Variants in GAB2 observed in about 807,000 individuals in gnomAD.
GAB2 encodes GRB2-associated-binding protein 2.
Under a neutral mutation model 65.5 loss-of-function variants are expected in GAB2, and 26 were observed. The observed-to-expected ratio is 0.40, with a 90% CI of 0.29 to 0.55. GAB2 has a LOEUF of 0.55. Among genes scored for constraint, GAB2 ranks in the 20% least tolerant of loss-of-function variants. The pLI, the probability that GAB2 is intolerant of heterozygous loss-of-function variation, is 0.53. For synonymous variants in GAB2, 321 were observed against 329.6 expected (o/e 0.97, Z 0.28); for missense variants, 884 against 875.8 (o/e 1.01, Z -0.12).
chr11:78,343,462 G>A (rs994921230), intron 1 of GAB2, among the ~76,000 whole-genome samples: 1 of 151,558 alleles, frequency 6.6e-6, no homozygotes, highest in Non-Finnish European at 1.5e-5. Context: ...AGGGAGAGAG[G>A]AATAAGGGCA....
intron 1 of GAB2, among the ~76,000 whole-genome samples, chr11:78,365,769 A>G (rs993818883): frequency 3.9e-5 from 6 of 152,226 alleles, no homozygotes; most frequent in Non-Finnish European, 8.8e-5. Context: ...TTGGATCGCA[A>G]AAAGCCTTCA....
At chr11:78,406,015 T>G (rs556170722) in intron 1 of GAB2, among the ~76,000 whole-genome samples, 1 of 152,320 alleles carries the variant, frequency 6.6e-6, no homozygotes, top group African/African-American at 2.4e-5. Context: ...CAACCTAGAC[T>G]TCTACCCTTC....
intron 1 of GAB2, among the ~76,000 whole-genome samples, chr11:78,310,883 T>C (rs555337807): frequency 6.6e-6 from 1 of 152,176 alleles, no homozygotes; most frequent in Admixed American, 6.5e-5. Context: ...TCTAAAAAAA[T>C]AAGAAGACCC....
At chr11:78,372,933 G>C (rs1325823350) in intron 1 of GAB2, among the ~76,000 whole-genome samples, 4 of 151,578 alleles carry the variant, frequency 2.6e-5, no homozygotes, top group African/African-American at 9.7e-5. Context: ...TTACATTTTC[G>C]CTCCATTCAG....
chr11:78,276,126 A>AAAAAG (rs1554982087), intron 2 of GAB2, among the ~76,000 whole-genome samples: 1 of 151,298 alleles, frequency 6.6e-6, no homozygotes, highest in East Asian at 1.9e-4. Flanking sequence ...AAAAAAAAAA[A>AAAAAG]AAGAAGAAGA....
chr11:78,240,283 C>T (rs1865091814), intron 3 of GAB2, among the ~76,000 whole-genome samples: 1 of 152,114 alleles, frequency 6.6e-6, no homozygotes, highest in South Asian at 2.1e-4. Flanking sequence ...AACAGTCACA[C>T]CCTCCTGGGC....
intron 1 of GAB2, among the ~76,000 whole-genome samples, chr11:78,307,604 T>TAGAGAGAGAGAGAGAGAGAG (rs59402607): frequency 0.021 from 2,596 of 121,650 alleles, 71 homozygotes; most frequent in African/African-American, 0.044. Context: ...CAAAAAATGT[T>TAGAGAGAGAGAGAGAGAGAG]AGAGAGAGAG....
chr11:78,362,738 A>C (rs916363186), intron 1 of GAB2, among the ~76,000 whole-genome samples: 1 of 152,216 alleles, frequency 6.6e-6, no homozygotes, highest in Non-Finnish European at 1.5e-5. Context: ...ATACACCTAA[A>C]ATACAAGAGC....
intron 2 of GAB2, among the ~76,000 whole-genome samples, chr11:78,271,683 T>C (rs1866011686): frequency 6.6e-6 from 1 of 152,174 alleles, no homozygotes. Flanking sequence ...TTTATATGAG[T>C]CCTATCACAA....
intron 1 of GAB2, among the ~76,000 whole-genome samples, chr11:78,292,003 GGTGTGT>G (rs71877307): frequency 2.5e-4 from 37 of 147,872 alleles, no homozygotes; most frequent in East Asian, 1.2e-3. Context: ...GGTGTGTAGG[GGTGTGT>G]GTGTGTGTGT....
At chr11:78,331,450 T>C (rs1855912577) in intron 1 of GAB2, among the ~76,000 whole-genome samples, 4 of 152,044 alleles carry the variant, frequency 2.6e-5, no homozygotes, top group Admixed American at 2.0e-4. Flanking sequence ...TTTTACCATG[T>C]TGGCCAGGAG....
At chr11:78,309,975 C>CGT (rs1461207546) in intron 1 of GAB2, among the ~76,000 whole-genome samples, 32 of 133,822 alleles carry the variant, frequency 2.4e-4, no homozygotes, top group African/African-American at 9.1e-4. Context: ...TGTGTGTGCG[C>CGT]GCGCGCCTGT....
intron 1 of GAB2, among the ~76,000 whole-genome samples, chr11:78,327,082 T>A (rs891992814): frequency 7.9e-5 from 12 of 152,172 alleles, no homozygotes; most frequent in African/African-American, 2.7e-4. Context: ...CGCAAATGCA[T>A]CATGTCTATT....
intron 1 of GAB2, among the ~76,000 whole-genome samples, chr11:78,401,951 T>C (rs537274514): frequency 6.6e-6 from 1 of 152,318 alleles, no homozygotes; most frequent in South Asian, 2.1e-4. Context: ...ATATGAACCA[T>C]ATAGAATTAT....
intron 1 of GAB2, among the ~76,000 whole-genome samples, chr11:78,356,941 A>C (rs1856367369): frequency 6.6e-6 from 1 of 152,236 alleles, no homozygotes; most frequent in Non-Finnish European, 1.5e-5. Flanking sequence ...ACATACCTAG[A>C]ATCAAATTCA....
At chr11:78,344,570 CTG>C (rs1389662944) in intron 1 of GAB2, among the ~76,000 whole-genome samples, 1 of 152,166 alleles carries the variant, frequency 6.6e-6, no homozygotes, top group Non-Finnish European at 1.5e-5. Context: ...CTCAGCTATG[CTG>C]TGAATATTTA....
chr11:78,382,653 G>C (rs867987540), intron 1 of GAB2, among the ~76,000 whole-genome samples: 4 of 152,134 alleles, frequency 2.6e-5, no homozygotes, highest in Admixed American at 6.5e-5. Flanking sequence ...CGCATGGAAA[G>C]CAATGCATTC....
rs115793867 is a variant in GAB2 at position 78,361,905 on chromosome 11, C to T, written c.75+55741G>A. Among the ~76,000 whole-genome samples, 332 of 152,176 alleles carry T rather than the reference C, an allele frequency of 2.2e-3. 1 individual carries two copies. The highest frequency in any genetic ancestry group is 7.0e-3 in the African/African-American group (291 of 41,526). The stretch of plus-strand genomic sequence containing the variant: ...TAACATGTGCACAATGACATATGTG[C>T]ATTTTGGGATCTATTTAAAAGAGTA... On this transcript the variant is annotated intron_variant, in intron 1 of 9. Coordinates refer to ENST00000361507, the MANE Select transcript of GAB2 (RefSeq NM_080491.3).
At chr11:78,227,150 A>G (rs576638886) in intron 3 of GAB2, 99 bp from the exon 4 acceptor site, 2 of 763,570 alleles carry the variant, frequency 2.6e-6, no homozygotes, top group African/African-American at 1.7e-5. Flanking sequence ...TGGTTTAGGC[A>G]TCTGTAAAAT....
Sources: gnomAD v4.1 joint callset for allele counts (sites outside exome capture counted in the v4.1 genomes callset) on GRCh38, gnomAD v4.1.1 for gene constraint, MANE v1.5 for transcripts, NCBI Gene and HGNC (gene_info 2026-07-23, HGNC 2026-07-21) for gene names.